MPPED2: variants seen among roughly 807,000 people sequenced by gnomAD.
MPPED2 encodes the protein metallophosphoesterase domain containing 2.
In MPPED2, 5 loss-of-function variants were observed where a neutral mutation model predicts 33.0. The observed-to-expected ratio is 0.15, with a 90% CI of 0.08 to 0.32. The LOEUF (loss-of-function observed/expected upper bound fraction) is 0.32, where lower values mean the gene tolerates loss of function less well. Among genes scored for constraint, MPPED2 ranks in the 10% least tolerant of loss-of-function variants. MPPED2 has a pLI of 1.00. For synonymous variants in MPPED2, 136 were observed against 141.9 expected (o/e 0.96, Z 0.29); for missense variants, 275 against 372.1 (o/e 0.74, Z 2.15).
At chr11:30,498,674 C>G (rs1952414573) in intron 3 of MPPED2, among the ~76,000 whole-genome samples, 1 of 151,972 alleles carries the variant, frequency 6.6e-6, no homozygotes, top group African/African-American at 2.4e-5. Context: ...GACAAAATGT[C>G]AAATAGTTTT....
At chr11:30,546,224 A>G (rs1004298476) in intron 2 of MPPED2, among the ~76,000 whole-genome samples, 1 of 152,200 alleles carries the variant, frequency 6.6e-6, no homozygotes, top group Non-Finnish European at 1.5e-5. Context: ...TTTTAAATCA[A>G]TCATTACAAC....
chr11:30,488,283 A>T (rs1951828788), intron 4 of MPPED2, among the ~76,000 whole-genome samples: 1 of 152,252 alleles, frequency 6.6e-6, no homozygotes, highest in Non-Finnish European at 1.5e-5. Flanking sequence ...TCTGAGTGAA[A>T]TACACCATCC....
At chr11:30,470,650 T>C (rs1184143617) in intron 4 of MPPED2, among the ~76,000 whole-genome samples, 1 of 152,234 alleles carries the variant, frequency 6.6e-6, no homozygotes, top group Non-Finnish European at 1.5e-5. Flanking sequence ...TGCCTTCATA[T>C]CACTTACAGT....
At chr11:30,536,761 T>C (rs1295526687) in intron 2 of MPPED2, among the ~76,000 whole-genome samples, 2 of 151,342 alleles carry the variant, frequency 1.3e-5, no homozygotes, top group Admixed American at 6.6e-5. Context: ...GAGAAGGTGA[T>C]GCCAAAATAA....
At chr11:30,509,056 C>T (rs1441774846) in intron 3 of MPPED2, among the ~76,000 whole-genome samples, 2 of 152,120 alleles carry the variant, frequency 1.3e-5, no homozygotes, top group South Asian at 2.1e-4. Flanking sequence ...ACAAAATGGC[C>T]TTTAAGTGTT....
chr11:30,397,321 G>A (rs1473205891), intron 6 of MPPED2, among the ~76,000 whole-genome samples: 1 of 151,930 alleles, frequency 6.6e-6, no homozygotes, highest in East Asian at 1.9e-4. Context: ...AAGTTTTCTG[G>A]AGCAACTCCT....
intron 4 of MPPED2, among the ~76,000 whole-genome samples, chr11:30,445,311 C>A (rs895172634): frequency 3.3e-5 from 5 of 152,138 alleles, no homozygotes; most frequent in Non-Finnish European, 5.9e-5. Context: ...TTGTTGAAGA[C>A]CTTCGACTAA....
chr11:30,455,300 T>C (rs571473477), intron 4 of MPPED2, among the ~76,000 whole-genome samples: 27 of 152,322 alleles, frequency 1.8e-4, no homozygotes, highest in Middle Eastern at 3.4e-3. Flanking sequence ...CACTGGCCCA[T>C]ACTCTGTCCC....
intron 3 of MPPED2, chr11:30,504,824 G>A: frequency 1.6e-6 from 2 of 1,284,546 alleles, no homozygotes; most frequent in Non-Finnish European, 2.0e-6. Flanking sequence ...CTTGCAATGG[G>A]AAACCAGGTC....
At chr11:30,427,803 T>C (rs1309649338) in intron 4 of MPPED2, among the ~76,000 whole-genome samples, 1 of 152,218 alleles carries the variant, frequency 6.6e-6, no homozygotes, top group Non-Finnish European at 1.5e-5. Flanking sequence ...TTATGGGTGA[T>C]GTGAATTTTT....
At chr11:30,537,677 G>C (rs1030404149) in intron 2 of MPPED2, among the ~76,000 whole-genome samples, 8 of 152,172 alleles carry the variant, frequency 5.3e-5, no homozygotes, top group African/African-American at 1.9e-4. Context: ...GAAAGGAGGA[G>C]AGTAGGGAGG....
chr11:30,411,344 G>A lies in MPPED2; in HGVS notation c.*124C>T, dbSNP rs544091706. On this transcript the variant is annotated 3_prime_UTR_variant, in exon 7 of 7. Transcript: ENST00000358117. ...AGAAGCACAACCTCTAGCATCATTT[G>A]TGTTCCAACAATTTACAAAAAGAAC... is the stretch of plus-strand genomic sequence containing the variant. 5.5e-5 allele frequency: 76 copies of A among 1,384,130 alleles called. No homozygotes were observed. Among genetic ancestry groups the A allele is most frequent in the Non-Finnish European group, 7.1e-5 (75 of 1,057,408 alleles). 85.7% of individuals were successfully genotyped at this position (1,384,130 alleles called of 1,614,324 possible).
At chr11:30,549,695 C>T (rs1266200026) in intron 2 of MPPED2, among the ~76,000 whole-genome samples, 5 of 152,186 alleles carry the variant, frequency 3.3e-5, no homozygotes, top group African/African-American at 1.2e-4. Flanking sequence ...CAGGTACTCC[C>T]TGTGCCCTAC....
At chr11:30,446,543 T>C (rs2125444) in intron 4 of MPPED2, among the ~76,000 whole-genome samples, 1,682 of 152,186 alleles carry the variant, frequency 0.011, 77 homozygotes, top group Admixed American at 0.076. Flanking sequence ...TCTTTGTCCA[T>C]GTGTGTTCGC....
chr11:30,517,561 G>A (rs558097612), intron 3 of MPPED2, among the ~76,000 whole-genome samples: 8 of 152,276 alleles, frequency 5.3e-5, no homozygotes, highest in South Asian at 2.1e-4. Context: ...GACTATCCAC[G>A]TCGAGAAGAC....
chr11:30,500,720 C>T (rs1952518246), intron 3 of MPPED2, among the ~76,000 whole-genome samples: 1 of 152,188 alleles, frequency 6.6e-6, no homozygotes, highest in Non-Finnish European at 1.5e-5. Context: ...TTGCATGTGA[C>T]TTGTATCCCC....
chr11:30,525,873 G>A (rs755674673), intron 3 of MPPED2, among the ~76,000 whole-genome samples: 57 of 152,124 alleles, frequency 3.7e-4, no homozygotes, highest in Non-Finnish European at 6.0e-4. Context: ...ATAACACAGA[G>A]GATTGGGTTC....
exon 7 of MPPED2, chr11:30,387,683 T>C (rs1590145328): frequency 6.6e-6 from 1 of 152,142 alleles, no homozygotes; most frequent in Non-Finnish European, 1.5e-5. Flanking sequence ...TTCTTTGAGG[T>C]TCTGTGGTGC....
intron 2 of MPPED2, among the ~76,000 whole-genome samples, chr11:30,545,474 C>A (rs1412289737): frequency 1.3e-5 from 2 of 152,122 alleles, no homozygotes; most frequent in African/African-American, 4.8e-5. Context: ...TCTCCCGTAG[C>A]TCTATCTTAC....
Sources: gnomAD v4.1 joint callset for allele counts (sites outside exome capture counted in the v4.1 genomes callset) on GRCh38, gnomAD v4.1.1 for gene constraint, MANE v1.5 for transcripts, NCBI Gene and HGNC (gene_info 2026-07-23, HGNC 2026-07-21) for gene names.